ATP10D: variants seen among roughly 807,000 people sequenced by gnomAD.
The protein encoded by ATP10D is ATPase phospholipid transporting 10D (putative).
ATP10D carries 89 observed loss-of-function variants against 144.8 expected under a neutral mutation model. That is an observed-to-expected ratio of 0.61 (90% CI 0.52 to 0.73). ATP10D has a LOEUF of 0.73. ATP10D is among the 30% of genes least tolerant of loss of function. ATP10D has a pLI of 0.00. For synonymous variants in ATP10D, 571 were observed against 615.1 expected, an observed-to-expected ratio of 0.93 and a Z score of 1.06; for missense variants, 1,603 against 1,714.8, an observed-to-expected ratio of 0.93 and a Z score of 1.15.
At chr4:47,497,093 G>A (rs556559437) in intron 1 of ATP10D, among the ~76,000 whole-genome samples, 8 of 152,052 alleles carry the variant, frequency 5.3e-5, no homozygotes, top group South Asian at 2.1e-4. Flanking sequence ...CTCCCACCTC[G>A]GCCTCCCGAA....
intron 5 of ATP10D, among the ~76,000 whole-genome samples, chr4:47,528,513 G>GTATATATATATATA (rs796644378): frequency 1.1e-5 from 1 of 93,284 alleles, no homozygotes; most frequent in African/African-American, 4.4e-5. Context: ...GTGTGTGTGT[G>GTATATATATATATA]TATATATATA....
intron 1 of ATP10D, among the ~76,000 whole-genome samples, chr4:47,487,343 T>C (rs963976984): frequency 6.6e-6 from 1 of 152,262 alleles, no homozygotes; most frequent in African/African-American, 2.4e-5. Flanking sequence ...GACTCACCTG[T>C]CAGACAAATG....
intron 3 of ATP10D, among the ~76,000 whole-genome samples, chr4:47,519,387 T>C (rs1716835020): frequency 5.3e-5 from 8 of 152,200 alleles, no homozygotes. Flanking sequence ...GGATTGTGGA[T>C]GCTGTGTCCT....
chr4:47,566,572 G>C (rs1017713278), intron 15 of ATP10D, among the ~76,000 whole-genome samples: 1 of 152,024 alleles, frequency 6.6e-6, no homozygotes, highest in African/African-American at 2.4e-5. Flanking sequence ...TCTAAGTACA[G>C]CTGATTACTA....
intron 1 of ATP10D, among the ~76,000 whole-genome samples, chr4:47,504,984 A>G (rs775198951): frequency 1.3e-5 from 2 of 152,232 alleles, no homozygotes; most frequent in Non-Finnish European, 2.9e-5. Context: ...GAAGAAGGTT[A>G]TAAGTCTATC....
chr4:47,567,332 A>G (rs1719694231), intron 15 of ATP10D, among the ~76,000 whole-genome samples: 1 of 152,230 alleles, frequency 6.6e-6, no homozygotes, highest in Non-Finnish European at 1.5e-5. Flanking sequence ...GTTAATTTGT[A>G]AAACCTAAAC....
rs74669327 is a variant in ATP10D, at chr4:47,587,551, C to T, written c.3941+345C>T. Among the ~76,000 whole-genome samples, 441 of 151,222 alleles carry T rather than the reference C, an allele frequency of 2.9e-3. 3 individuals carry two copies. The highest frequency in any genetic ancestry group is 9.9e-3 in the African/African-American group (402 of 40,572). ...GTCAGGCCCTTGTTTGGGTCCATTT[C>T]GTGCTGCCACAGTGGAATTTATAAA... is the stretch of plus-strand genomic sequence containing the variant. On this transcript the variant is annotated intron_variant, in intron 22 of 22. Coordinates refer to ENST00000273859, the MANE Select transcript of ATP10D (RefSeq NM_020453.4).
In ATP10D at chr4:47,569,130, G is replaced by A; in HGVS notation, c.3147G>A (p.Val1049=). The A allele has an allele frequency of 6.2e-7, 1 of 1,613,252 alleles. No individual in the cohort carries two copies. The highest frequency in any genetic ancestry group is 8.5e-7 in the Non-Finnish European group (1 of 1,179,802). Reference sequence around the variant, plus strand: ...AATTGGTCCGCAGCCATCTCCAGGTGATGACCCTTGCTATTGGTGAGTGAG... The same window carrying A: ...AATTGGTCCGCAGCCATCTCCAGGTAATGACCCTTGCTATTGGTGAGTGAG... ...VVKLVRSHLQ[V]MTLAIGDGAN... Residue 1049 remains valine (V), a synonymous_variant, in exon 16 of 23, where the codon GTG becomes GTA. Coordinates refer to ENST00000273859, the MANE Select transcript of ATP10D (RefSeq NM_020453.4).
rs1717845079 is a variant in ATP10D at position 47,536,348 on chromosome 4, A to C, written c.1016-89A>C. 1.1e-5 allele frequency: 17 copies of C among 1,481,246 alleles called. No individual in the cohort carries two copies. In the South Asian group the frequency reaches 2.2e-4, roughly 19 times the overall value. The allele number at this position is 1,481,246 out of a possible 1,614,324, so 91.8% of individuals were successfully genotyped here. On this transcript the variant is annotated intron_variant, in intron 7 of 22. Transcript: ENST00000273859. ...CAGTTGATGTCCAACCAAAATGAATACTCTCATTCCTTCTCCTTTAGGAAT... is the reference window on the plus strand; with the variant it reads ...CAGTTGATGTCCAACCAAAATGAATCCTCTCATTCCTTCTCCTTTAGGAAT...
chr4:47,576,093 G>T (rs945279239), intron 18 of ATP10D, among the ~76,000 whole-genome samples: 8 of 151,248 alleles, frequency 5.3e-5, no homozygotes, highest in African/African-American at 1.9e-4. Flanking sequence ...CACTACGCCC[G>T]GCTAATTTTT....
intron 13 of ATP10D, 71 bp from the exon 14 acceptor site, chr4:47,560,878 A>G (rs1360269074): frequency 1.3e-6 from 2 of 1,575,530 alleles, no homozygotes; most frequent in African/African-American, 1.4e-5. Context: ...ATATTTTGCC[A>G]GAGGTCAGTC....
chr4:47,578,086 C>T (rs902668284), intron 19 of ATP10D, among the ~76,000 whole-genome samples: 3 of 152,192 alleles, frequency 2.0e-5, no homozygotes, highest in East Asian at 3.9e-4. Context: ...CTCACCAATC[C>T]TTGTACACGC....
chr4:47,485,424 C>T lies in ATP10D; in HGVS notation c.-133C>T, dbSNP rs1228243171. 1 of 151,680 alleles carries T rather than the reference C, an allele frequency of 6.6e-6. No individual in the cohort carries two copies. Among genetic ancestry groups the T allele is most frequent in the Non-Finnish European group, 1.5e-5 (1 of 68,042 alleles). The allele number at this position is 151,680 out of a possible 1,614,324, so 9.4% of individuals were successfully genotyped here. A position where few individuals can be genotyped will look rare whatever the true frequency, so the allele number is the denominator to read the frequency against. On this transcript the variant is annotated 5_prime_UTR_variant, in exon 1 of 23. The change creates a premature stop within an existing upstream ORF in the 5' untranslated region. Coordinates refer to ENST00000273859, the MANE Select transcript of ATP10D (RefSeq NM_020453.4). ...AAGGCAAATGGCTGGCGTGGAAGCA[C>T]AACCCGCTTTCACTCTTCGAATTTG...
intron 3 of ATP10D, among the ~76,000 whole-genome samples, chr4:47,520,997 G>T (rs755572769): frequency 2.6e-5 from 4 of 152,078 alleles, no homozygotes; most frequent in Non-Finnish European, 4.4e-5. Context: ...TAGGCAGCTG[G>T]GTCTTTATTA....
intron 12 of ATP10D, among the ~76,000 whole-genome samples, 187 bp from the exon 13 acceptor site, chr4:47,558,736 C>T (rs564998862): frequency 7.9e-5 from 12 of 152,188 alleles, no homozygotes; most frequent in Non-Finnish European, 1.6e-4. Flanking sequence ...TTCCTCTGCC[C>T]AAGGGGAAAG....
chr4:47,523,069 T>A lies in ATP10D; in HGVS notation c.543T>A (p.Ile181=). ...AAGACGTTACTGTTGGGGACTTTAT[T>A]CGCCTCTCCTGCAACGAGGTCATCC... is the stretch of plus-strand genomic sequence containing the variant. ...CWKDVTVGDF[I]RLSCNEVIPA... The change falls in exon 4 of 23, where the codon ATT becomes ATA. Residue 181 remains isoleucine, a synonymous_variant. Coordinates refer to ENST00000273859, the MANE Select transcript of ATP10D (RefSeq NM_020453.4). The A allele has an allele frequency of 6.2e-7, 1 of 1,614,060 alleles. No homozygotes were observed. The highest frequency in any genetic ancestry group is 8.5e-7 in the Non-Finnish European group (1 of 1,179,984).
intron 9 of ATP10D, among the ~76,000 whole-genome samples, chr4:47,538,244 G>C (rs1717950926): frequency 6.6e-6 from 1 of 152,048 alleles, no homozygotes; most frequent in South Asian, 2.1e-4. Context: ...TTATTTCCCT[G>C]TTTTTTAAAT....
chr4:47,540,172 G>T (rs1413681502), intron 9 of ATP10D, among the ~76,000 whole-genome samples: 1 of 152,168 alleles, frequency 6.6e-6, no homozygotes, highest in African/African-American at 2.4e-5. Flanking sequence ...TATTTTCACT[G>T]AAGTGAAAAC....
intron 5 of ATP10D, among the ~76,000 whole-genome samples, chr4:47,532,807 C>G (rs192492630): frequency 6.6e-6 from 1 of 152,296 alleles, no homozygotes; most frequent in Admixed American, 6.5e-5. Context: ...ACTACTCTTA[C>G]ATGTTTCTAC....
Sources: allele counts gnomAD v4.1 joint callset (sites outside exome capture counted in the v4.1 genomes callset), GRCh38; gene constraint gnomAD v4.1.1; transcripts MANE v1.5; gene names NCBI Gene and HGNC (gene_info 2026-07-23, HGNC 2026-07-21).